AGAP4: variants seen among roughly 807,000 people sequenced by gnomAD.
AGAP4 encodes ArfGAP with GTPase domain, ankyrin repeat and PH domain 4, also known as arf-GAP with GTPase, ANK repeat and PH domain-containing protein 4.
In AGAP4, 13 loss-of-function variants were observed where a neutral mutation model predicts 60.7. The observed-to-expected ratio is 0.21, with a 90% CI of 0.14 to 0.34. The LOEUF is 0.34. Ranked by LOEUF, AGAP4 falls within the 10% of genes least tolerant of loss-of-function variation. AGAP4 has a pLI of 1.00. For missense variants in AGAP4, 169 were observed against 884.0 expected (o/e 0.19, Z 10.26); for synonymous variants, 70 against 339.0 (o/e 0.21, Z 8.72).
intron 1 of AGAP4, among the ~76,000 whole-genome samples, chr10:45,853,109 T>A (rs1554900686): frequency 6.6e-6 from 1 of 151,310 alleles, no homozygotes; most frequent in East Asian, 1.9e-4. Flanking sequence ...ATGAGAAAAA[T>A]TAAATTATAA....
upstream of AGAP4, chr10:45,854,209 T>C (rs1337018735): frequency 5.4e-6 from 1 of 185,904 alleles, no homozygotes; most frequent in African/African-American, 2.4e-5. Context: ...TTCTACTGAT[T>C]TCTGGGTGAA....
chr10:45,830,620 G>A (rs1173610762), intron 6 of AGAP4, among the ~76,000 whole-genome samples: 25 of 123,766 alleles, frequency 2.0e-4, no homozygotes, highest in African/African-American at 7.8e-4. Flanking sequence ...AGAATAGGTG[G>A]GACTACAGGT....
chr10:45,843,774 G>C (rs1350496991), intron 3 of AGAP4, among the ~76,000 whole-genome samples: 1 of 147,296 alleles, frequency 6.8e-6, no homozygotes. Flanking sequence ...AGTAAGGCAT[G>C]TTTAAATTTA....
rs1173501923 is a variant in AGAP4, at chr10:45,841,695, TAA to T, written c.362-10_362-9del. 288 of 694,938 alleles carry T rather than the reference TAA, an allele frequency of 4.1e-4. No homozygotes were observed. The highest frequency in any genetic ancestry group is 5.2e-4 in the South Asian group (21 of 40,532). The allele number at this position is 694,938 out of a possible 1,614,324, so 43.0% of individuals were successfully genotyped here. ...TTCTTCTTATTTCTACAACTAAGAA[TAA>T]AAAAAAAAAAACTGGTCACTTCTGA... On this transcript the variant is annotated splice_polypyrimidine_tract_variant and intron_variant, in intron 3 of 7. Coordinates refer to ENST00000616763, the MANE Select transcript of AGAP4 (RefSeq NM_001276343.3).
rs782660572 is a variant in AGAP4 at position 45,825,956 on chromosome 10, T to G, written c.2020A>C (p.Asn674His). The part of the protein sequence containing the change: ...ARQASSQECI[N>H]VLLQYGCPDK... ...GGGCAGCCGTACTGCAGAAGCACGT[T>G]GATGCACTCCTGGCTGGAGGCCTGC... Residue 674 changes from asparagine (N) to histidine (H), a missense_variant, in exon 8 of 8, where the codon AAC (asparagine) becomes CAC (histidine). Coordinates refer to ENST00000616763, the MANE Select transcript of AGAP4 (RefSeq NM_001276343.3). The G allele has an allele frequency of 3.0e-6, 4 of 1,351,456 alleles. No homozygotes were observed. The highest frequency in any genetic ancestry group is 2.7e-5 in the East Asian group (1 of 37,154). The allele number at this position is 1,351,456 out of a possible 1,614,324, so 83.7% of individuals were successfully genotyped here.
chr10:45,834,043 T>A lies in AGAP4; in HGVS notation c.470A>T (p.Gln157Leu), dbSNP rs1590021345. Residue 157 changes from glutamine to leucine, a missense_variant, in exon 5 of 8, where the codon CAG (glutamine) becomes CTG (leucine). Transcript: ENST00000616763. ...TIFLDDSTAIQHYLTMTIISV... is the reference protein window; with the variant it reads ...TIFLDDSTAILHYLTMTIISV... Reference sequence around the variant, plus strand: ...TATTATTGTCATTGTAAGATAATGCTGGATGGCTGTGCTGTCATCAAGGAA... The same window carrying A: ...TATTATTGTCATTGTAAGATAATGCAGGATGGCTGTGCTGTCATCAAGGAA... The A allele has an allele frequency of 2.5e-6, 4 of 1,594,558 alleles. No homozygotes were observed. The highest frequency in any genetic ancestry group is 3.4e-6 in the Non-Finnish European group (4 of 1,172,752).
chr10:45,849,473 G>GATTCTTCTTATTATT, upstream of AGAP4, among the ~76,000 whole-genome samples: 1 of 145,106 alleles, frequency 6.9e-6, no homozygotes. Flanking sequence ...TGATGATGAT[G>GATTCTTCTTATTATT]ATTATTATTA....
Position 45,830,096 on chromosome 10 carries a change from C to G in AGAP4, c.533+1298G>C, listed in dbSNP as rs1258126595. 3.4e-5 allele frequency among the ~76,000 whole-genome samples: 5 copies of G among 148,888 alleles called. No homozygotes were observed. The South Asian group carries it at 1.1e-3, about 33-fold the overall frequency. On this transcript the variant is annotated intron_variant, in intron 6 of 7. Transcript: ENST00000616763. ...AGTTTTGATTTAGTGTTAACAAATA[C>G]CCACAACTGTCTGAAAACTTTAAAA...
At chr10:45,849,699 G>A (rs2059058976), upstream of AGAP4, among the ~76,000 whole-genome samples, 1 of 150,064 alleles carries the variant, frequency 6.7e-6, no homozygotes, top group Non-Finnish European at 1.5e-5. Context: ...GGAGTGCAAT[G>A]GCATGATCTT....
chr10:45,834,313 C>T (rs2058776520), intron 4 of AGAP4, among the ~76,000 whole-genome samples, 197 bp from the exon 5 acceptor site: 1 of 125,860 alleles, frequency 7.9e-6, no homozygotes, highest in Non-Finnish European at 1.6e-5. Flanking sequence ...TTATAAAATG[C>T]TGCCCTTAAT....
At position 45,826,818 on chromosome 10, in the gene AGAP4, G is replaced by A; in HGVS notation, c.1158C>T (p.Ser386=). 2 of 1,515,482 alleles carry A rather than the reference G, an allele frequency of 1.3e-6. No homozygotes were observed. The highest frequency in any genetic ancestry group is 1.8e-6 in the Non-Finnish European group (2 of 1,110,430). The allele number at this position is 1,515,482 out of a possible 1,614,324, so 93.9% of individuals were successfully genotyped here. The change falls in exon 8 of 8, where the codon AGC becomes AGT. Residue 386 remains serine (S), a synonymous_variant. Coordinates refer to ENST00000616763, the MANE Select transcript of AGAP4 (RefSeq NM_001276343.3). ...CFSPSISSTT[S]PKLNPPPSPH... ...GAGAGGGGGGCGGGTTGAGCTTGGG[G>A]CTGGTGGTGCTGGAGATACTGGGGC... is the stretch of plus-strand genomic sequence containing the variant.
intron 3 of AGAP4, among the ~76,000 whole-genome samples, chr10:45,843,980 G>A (rs1365893136): frequency 6.7e-6 from 1 of 149,738 alleles, no homozygotes; most frequent in African/African-American, 2.6e-5. Flanking sequence ...TCTTTAAAAT[G>A]TACTTTTTGG....
At chr10:45,851,119 G>A (rs2917177), upstream of AGAP4, among the ~76,000 whole-genome samples, 447 of 152,044 alleles carry the variant, frequency 2.9e-3, 4 homozygotes, top group African/African-American at 9.4e-3. Flanking sequence ...TTAAAATTCT[G>A]TTGTTCTCAG....
intron 4 of AGAP4, among the ~76,000 whole-genome samples, chr10:45,838,379 A>C (rs1477195033): frequency 1.3e-5 from 2 of 151,884 alleles, no homozygotes; most frequent in Non-Finnish European, 2.9e-5. Context: ...TAAATCTCAC[A>C]AATCATCACT....
At chr10:45,844,613 A>C in intron 2 of AGAP4, 1 of 467,830 alleles carries the variant, frequency 2.1e-6, no homozygotes, top group Non-Finnish European at 3.7e-6. Context: ...ACTTGAACCC[A>C]GGTCAGGAAG....
At chr10:45,837,544 G>A (rs2058841316) in intron 4 of AGAP4, among the ~76,000 whole-genome samples, 1 of 150,656 alleles carries the variant, frequency 6.6e-6, no homozygotes, top group African/African-American at 2.4e-5. Flanking sequence ...GAACAGAATA[G>A]AGAACCCAGA....
intron 6 of AGAP4, among the ~76,000 whole-genome samples, chr10:45,830,545 G>C (rs1480663617): frequency 1.9e-5 from 2 of 104,922 alleles, no homozygotes; most frequent in African/African-American, 4.0e-5. Flanking sequence ...CAGTGCAATG[G>C]CACCATCTCA....
At chr10:45,852,312 C>T (rs1291635145), upstream of AGAP4, among the ~76,000 whole-genome samples, 1 of 140,004 alleles carries the variant, frequency 7.1e-6, no homozygotes, top group Admixed American at 7.0e-5. Flanking sequence ...CTAAAAAAAG[C>T]CTGATACACT....
chr10:45,836,912 T>A (rs1409038495), intron 4 of AGAP4, among the ~76,000 whole-genome samples: 1 of 149,914 alleles, frequency 6.7e-6, no homozygotes, highest in Non-Finnish European at 1.5e-5. Context: ...TTGCCCAGGC[T>A]GGAATATGCA....
Sources: allele counts gnomAD v4.1 joint callset (sites outside exome capture counted in the v4.1 genomes callset), GRCh38; gene constraint gnomAD v4.1.1; transcripts MANE v1.5; gene names NCBI Gene and HGNC (gene_info 2026-07-23, HGNC 2026-07-21).